BAZ2B: variants seen among roughly 807,000 people sequenced by gnomAD.
BAZ2B encodes bromodomain adjacent to zinc finger domain 2B, also known as bromodomain adjacent to zinc finger domain protein 2B.
Under a neutral mutation model 246.0 loss-of-function variants are expected in BAZ2B, and 91 were observed. That is an observed-to-expected ratio of 0.37 (90% CI 0.31 to 0.44). The LOEUF is 0.44. BAZ2B is among the 20% of genes least tolerant of loss of function. BAZ2B has a pLI of 1.00. For synonymous variants in BAZ2B, 855 were observed against 860.0 expected (o/e 0.99, Z 0.10); for missense variants, 2,332 against 2,533.7 (o/e 0.92, Z 1.71).
Position 159,337,786 on chromosome 2 carries a change from G to T in BAZ2B, c.5455-14C>A. On this transcript the variant is annotated splice_polypyrimidine_tract_variant and intron_variant, in intron 31 of 36. Transcript: ENST00000392783. The stretch of plus-strand genomic sequence containing the variant: ...ACACATCCAACCCTATATATCAAGA[G>T]AATAGTGTTATTATGGTTTCCTCTT... 6.2e-7 allele frequency: 1 copy of T among 1,606,512 alleles called. No individual in the cohort carries two copies. The highest frequency in any genetic ancestry group is 8.5e-7 in the Non-Finnish European group (1 of 1,174,660).
At chr2:159,693,424 C>CTTTT in the BAZ2B span, 995 of 125,108 alleles carry the variant, frequency 8.0e-3, 32 homozygotes, top group Middle Eastern at 0.014. Flanking sequence ...TAAAAATAAA[C>CTTTT]TTTTTTTTTT....
In BAZ2B at chr2:159,560,632, C is replaced by T. The variant is rs367702709; in HGVS notation, c.-45-4767G>A. ...TCACCCAGGCTAGAGTGCAGTGGTG[C>T]GATCTCTGCCTCAGCCTCCTGAGTA... On this transcript the variant is annotated intron_variant, in intron 1 of 36. Coordinates refer to ENST00000392783, the MANE Select transcript of BAZ2B (RefSeq NM_013450.4). Among the ~76,000 whole-genome samples, 129 of 150,778 alleles carry T rather than the reference C, an allele frequency of 8.6e-4. 2 individuals carry two copies. The highest frequency in any genetic ancestry group is 1.4e-3 in the Non-Finnish European group (94 of 67,722).
intron 3 of BAZ2B, chr2:159,463,175 C>A: frequency 1.7e-6 from 1 of 589,812 alleles, no homozygotes. Context: ...TCATTAAATT[C>A]TCCTGCGGGT....
the BAZ2B span, among the ~76,000 whole-genome samples, chr2:159,707,299 C>G: frequency 0.076 from 11,629 of 152,134 alleles, 931 homozygotes; most frequent in African/African-American, 0.2. Flanking sequence ...CCTATAATCA[C>G]AGCACTTTGG....
the BAZ2B span, chr2:159,689,745 C>T: frequency 2.1e-6 from 1 of 471,604 alleles, no homozygotes; most frequent in Non-Finnish European, 3.9e-6. Flanking sequence ...ATGTCTTTTC[C>T]AATGTTGTCT....
chr2:159,339,485 T>C (rs532439159), intron 31 of BAZ2B, among the ~76,000 whole-genome samples: 9 of 152,198 alleles, frequency 5.9e-5, no homozygotes, highest in African/African-American at 2.2e-4. Context: ...ACAACCAACT[T>C]ATCCACTATG....
chr2:159,597,380 C>T (rs563339324), intron 1 of BAZ2B, among the ~76,000 whole-genome samples: 1 of 152,278 alleles, frequency 6.6e-6, no homozygotes, highest in East Asian at 1.9e-4. Context: ...CTATTCTATA[C>T]CTTCTGTGTA....
At chr2:159,524,379 G>A (rs965009928) in intron 2 of BAZ2B, among the ~76,000 whole-genome samples, 4 of 152,230 alleles carry the variant, frequency 2.6e-5, no homozygotes, top group East Asian at 1.9e-4. Context: ...CGCTTGAGCC[G>A]GGAAGTCAAG....
intron 1 of BAZ2B, among the ~76,000 whole-genome samples, chr2:159,557,093 T>C (rs2151477183): frequency 6.6e-6 from 1 of 151,454 alleles, no homozygotes; most frequent in Middle Eastern, 3.5e-3. Flanking sequence ...TACTACTTCA[T>C]GATTACTGGC....
At chr2:159,704,489 T>C in the BAZ2B span, among the ~76,000 whole-genome samples, 5 of 148,270 alleles carry the variant, frequency 3.4e-5, no homozygotes, top group African/African-American at 7.5e-5. Flanking sequence ...TTTCTTTTTT[T>C]TTTTTTTTTT....
At chr2:159,384,536 T>C (rs945883628) in intron 23 of BAZ2B, among the ~76,000 whole-genome samples, 2 of 152,004 alleles carry the variant, frequency 1.3e-5, no homozygotes, top group Non-Finnish European at 2.9e-5. Flanking sequence ...AAATAATGAA[T>C]AACAAGGACA....
chr2:159,368,323 G>C (rs2060447535), intron 27 of BAZ2B, among the ~76,000 whole-genome samples: 3 of 152,106 alleles, frequency 2.0e-5, no homozygotes, highest in African/African-American at 4.8e-5. Context: ...AAAGTGCTAG[G>C]ATTACAGGCA....
At chr2:159,685,063 T>C in the BAZ2B span, among the ~76,000 whole-genome samples, 1 of 152,184 alleles carries the variant, frequency 6.6e-6, no homozygotes, top group East Asian at 1.9e-4. Context: ...TGCCTTTTTA[T>C]GTATGCATAT....
rs377691766 is a variant in BAZ2B at position 159,498,596 on chromosome 2, A to C, written c.-2-19875T>G. ...TTTTATAACCTTCATTATACACAAA[A>C]TTAATTTTGTTCAGACTATAACAGT... On this transcript the variant is annotated intron_variant, in intron 2 of 36. Coordinates refer to ENST00000392783, the MANE Select transcript of BAZ2B (RefSeq NM_013450.4). 9.7e-4 allele frequency among the ~76,000 whole-genome samples: 147 copies of C among 152,324 alleles called. 6 individuals carry two copies. In the South Asian group the frequency reaches 0.03, roughly 31 times the overall value.
intron 25 of BAZ2B, among the ~76,000 whole-genome samples, chr2:159,377,695 C>A (rs1260422293): frequency 2.0e-5 from 3 of 151,720 alleles, no homozygotes; most frequent in African/African-American, 4.9e-5. Flanking sequence ...CACCTGTAAT[C>A]CCAGCTACTC....
intron 4 of BAZ2B, 138 bp downstream of exon 4, chr2:159,453,475 G>A: frequency 9.9e-7 from 1 of 1,013,726 alleles, no homozygotes; most frequent in South Asian, 2.5e-5. Flanking sequence ...ATGATAAATA[G>A]GATTAAGCCA....
chr2:159,529,930 T>C (rs2085198046), intron 2 of BAZ2B, among the ~76,000 whole-genome samples: 1 of 152,222 alleles, frequency 6.6e-6, no homozygotes, highest in African/African-American at 2.4e-5. Context: ...TTGTTTTTCA[T>C]ATTTTTCATG....
At chr2:159,673,641 CCA>C in the BAZ2B span, among the ~76,000 whole-genome samples, 1 of 151,294 alleles carries the variant, frequency 6.6e-6, no homozygotes, top group African/African-American at 2.4e-5. Flanking sequence ...CTATGGACAC[CCA>C]CAGACTGCAC....
chr2:159,629,683 G>A, the BAZ2B span, among the ~76,000 whole-genome samples: 1 of 152,102 alleles, frequency 6.6e-6, no homozygotes, highest in East Asian at 1.9e-4. Flanking sequence ...GGGGGATAGG[G>A]GGCTAGGGGA....
Sources: allele counts gnomAD v4.1 joint callset (sites outside exome capture counted in the v4.1 genomes callset), GRCh38; gene constraint gnomAD v4.1.1; transcripts MANE v1.5; gene names NCBI Gene and HGNC (gene_info 2026-07-23, HGNC 2026-07-21).